Variants in RPS6KC1 observed in about 807,000 individuals in gnomAD.
RPS6KC1 encodes the protein ribosomal protein S6 kinase C1, also known as inactive ribosomal protein S6 kinase delta-1.
Under a neutral mutation model 103.8 loss-of-function variants are expected in RPS6KC1, and 54 were observed. That is an observed-to-expected ratio of 0.52 (90% CI 0.42 to 0.65). The LOEUF (loss-of-function observed/expected upper bound fraction) is 0.65. RPS6KC1 is among the 30% of genes least tolerant of loss of function. The pLI is 0.00. For synonymous variants in RPS6KC1, 439 were observed against 438.7 expected, an observed-to-expected ratio of 1.00 and a Z score of -0.01; for missense variants, 1,151 against 1,253.8, an observed-to-expected ratio of 0.92 and a Z score of 1.24.
intron 10 of RPS6KC1, among the ~76,000 whole-genome samples, chr1:213,237,590 A>C (rs1303448870): frequency 6.6e-6 from 1 of 152,034 alleles, no homozygotes; most frequent in Non-Finnish European, 1.5e-5. Flanking sequence ...GCTTGGCCAA[A>C]AGATGATTTT....
At chr1:213,194,584 C>T (rs1309513494) in intron 8 of RPS6KC1, among the ~76,000 whole-genome samples, 1 of 152,176 alleles carries the variant, frequency 6.6e-6, no homozygotes, top group African/African-American at 2.4e-5. Context: ...AGGAACCGGG[C>T]CTCACAGTAG....
At chr1:213,783,810 GT>G in the RPS6KC1 span, among the ~76,000 whole-genome samples, 1 of 29,358 alleles carries the variant, frequency 3.4e-5, no homozygotes, top group Non-Finnish European at 6.3e-5. Flanking sequence ...AAAGAAAGAT[GT>G]TGCCAAAAAA....
chr1:213,829,658 G>A, the RPS6KC1 span, among the ~76,000 whole-genome samples: 1 of 152,174 alleles, frequency 6.6e-6, no homozygotes, highest in African/African-American at 2.4e-5. Flanking sequence ...TCCAAGTAAA[G>A]AGAGAAATTT....
At chr1:213,400,926 C>G in the RPS6KC1 span, among the ~76,000 whole-genome samples, 2 of 152,028 alleles carry the variant, frequency 1.3e-5, no homozygotes, top group Non-Finnish European at 2.9e-5. Flanking sequence ...AGGCTGGTCT[C>G]GAACTCCTGA....
chr1:213,730,429 A>G, the RPS6KC1 span, among the ~76,000 whole-genome samples: 1 of 152,144 alleles, frequency 6.6e-6, no homozygotes, highest in Admixed American at 6.5e-5. Context: ...CCTCACCAGC[A>G]TCTGTTATTT....
At chr1:213,285,358 T>G in the RPS6KC1 span, among the ~76,000 whole-genome samples, 3 of 152,194 alleles carry the variant, frequency 2.0e-5, no homozygotes, top group Admixed American at 2.0e-4. Flanking sequence ...GGGGTAGGAT[T>G]TAAGCATGAA....
At chr1:213,363,349 A>G in the RPS6KC1 span, among the ~76,000 whole-genome samples, 4 of 152,206 alleles carry the variant, frequency 2.6e-5, no homozygotes, top group East Asian at 1.9e-4. Context: ...GATTTTTCTC[A>G]CATCACAAGA....
chr1:213,358,225 G>C, the RPS6KC1 span, among the ~76,000 whole-genome samples: 1 of 152,176 alleles, frequency 6.6e-6, no homozygotes, highest in African/African-American at 2.4e-5. Context: ...GCTCCTCCTT[G>C]TACTGCTGGT....
chr1:213,673,722 C>A, the RPS6KC1 span, among the ~76,000 whole-genome samples: 1 of 152,162 alleles, frequency 6.6e-6, no homozygotes, highest in African/African-American at 2.4e-5. Context: ...CCCTCTTAAG[C>A]CTATAGCTCC....
the RPS6KC1 span, among the ~76,000 whole-genome samples, chr1:213,348,838 A>C: frequency 6.6e-6 from 1 of 152,162 alleles, no homozygotes; most frequent in East Asian, 1.9e-4. Flanking sequence ...CAGGCTCATA[A>C]ATGGTTTCAA....
chr1:213,200,243 G>A (rs1041845844), intron 8 of RPS6KC1, among the ~76,000 whole-genome samples: 1 of 152,032 alleles, frequency 6.6e-6, no homozygotes, highest in Non-Finnish European at 1.5e-5. Flanking sequence ...TATACTACAA[G>A]GCTACAGTAA....
chr1:213,760,606 G>C, the RPS6KC1 span, among the ~76,000 whole-genome samples: 1 of 152,088 alleles, frequency 6.6e-6, no homozygotes, highest in Non-Finnish European at 1.5e-5. Context: ...AGATAAATTC[G>C]TTTTGTTTCA....
chr1:213,634,829 C>T, the RPS6KC1 span, among the ~76,000 whole-genome samples: 14 of 151,168 alleles, frequency 9.3e-5, no homozygotes, highest in Admixed American at 2.6e-4. Flanking sequence ...TCAATGAATC[C>T]GGGAGCTGGT....
chr1:213,581,939 TC>T, the RPS6KC1 span, among the ~76,000 whole-genome samples: 2 of 152,018 alleles, frequency 1.3e-5, no homozygotes, highest in South Asian at 4.2e-4. Context: ...CTCCCTCACT[TC>T]CTCCAAGCAA....
At chr1:213,413,603 C>T in the RPS6KC1 span, among the ~76,000 whole-genome samples, 59 of 152,318 alleles carry the variant, frequency 3.9e-4, no homozygotes, top group East Asian at 2.1e-3. Context: ...TCTATCCATG[C>T]GTACATCCTC....
At chr1:213,760,955 ATT>A in the RPS6KC1 span, among the ~76,000 whole-genome samples, 4 of 150,200 alleles carry the variant, frequency 2.7e-5, no homozygotes, top group Non-Finnish European at 4.4e-5. Flanking sequence ...ACATGGGCTA[ATT>A]TTTTTTTTAA....
chr1:213,701,248 T>C, the RPS6KC1 span, among the ~76,000 whole-genome samples: 1 of 21,698 alleles, frequency 4.6e-5, no homozygotes, highest in South Asian at 1.5e-3. Flanking sequence ...TTTTGAGGGT[T>C]TTTTTTATCA....
At chr1:213,464,843 G>T in the RPS6KC1 span, among the ~76,000 whole-genome samples, 2 of 151,892 alleles carry the variant, frequency 1.3e-5, no homozygotes, top group Admixed American at 1.3e-4. Context: ...GATAGAGGGT[G>T]CTACAGTGGA....
chr1:213,672,153 T>C, the RPS6KC1 span, among the ~76,000 whole-genome samples: 1 of 152,156 alleles, frequency 6.6e-6, no homozygotes, highest in Non-Finnish European at 1.5e-5. Context: ...TCCCACTGGT[T>C]GTATTCAACC....
Sources: gnomAD v4.1 joint callset for allele counts (sites outside exome capture counted in the v4.1 genomes callset) on GRCh38, gnomAD v4.1.1 for gene constraint, MANE v1.5 for transcripts, NCBI Gene and HGNC (gene_info 2026-07-23, HGNC 2026-07-21) for gene names.